The following SMYD3 variants were observed in gnomAD, a reference collection of about 807,000 sequenced individuals.
SMYD3 encodes the protein histone-lysine N-methyltransferase SMYD3.
A neutral mutation model predicts 57.7 loss-of-function variants in SMYD3; 36 were observed. The observed-to-expected ratio is 0.62, with a 90% CI of 0.48 to 0.82. The LOEUF is 0.82. Ranked by LOEUF, SMYD3 falls within the 40% of genes least tolerant of loss-of-function variation. The pLI is 0.00. For synonymous variants in SMYD3, 211 were observed against 195.0 expected (o/e 1.08, Z -0.68); for missense variants, 515 against 538.8 (o/e 0.96, Z 0.44).
intron 5 of SMYD3, among the ~76,000 whole-genome samples, chr1:246,038,019 A>G (rs2059806750): frequency 6.6e-6 from 1 of 152,234 alleles, no homozygotes; most frequent in South Asian, 2.1e-4. Context: ...CAAACAAATG[A>G]GTGTGGCTGT....
intron 11 of SMYD3, among the ~76,000 whole-genome samples, chr1:245,762,409 T>G (rs570855223): frequency 4.7e-4 from 72 of 152,316 alleles, no homozygotes; most frequent in African/African-American, 1.7e-3. Flanking sequence ...CATCGCACAT[T>G]AGGAAATTTC....
intron 5 of SMYD3, among the ~76,000 whole-genome samples, chr1:246,077,685 T>G (rs900982388): frequency 2.0e-5 from 3 of 152,100 alleles, no homozygotes; most frequent in African/African-American, 7.2e-5. Context: ...GGATTTCCTT[T>G]GCAAATTATC....
At chr1:246,349,363 G>A (rs1269507691) in intron 2 of SMYD3, among the ~76,000 whole-genome samples, 1 of 151,774 alleles carries the variant, frequency 6.6e-6, no homozygotes, top group East Asian at 1.9e-4. Flanking sequence ...CCAGCACTTT[G>A]GGAGGCTGAG....
chr1:246,437,298 GGTATGA>G (rs2067395274), intron 1 of SMYD3, among the ~76,000 whole-genome samples: 1 of 152,062 alleles, frequency 6.6e-6, no homozygotes, highest in Admixed American at 6.6e-5. Flanking sequence ...CCTACAGGTG[GGTATGA>G]ACTCCCCTCA....
At chr1:245,788,478 T>C (rs553185474) in intron 10 of SMYD3, among the ~76,000 whole-genome samples, 43 of 152,290 alleles carry the variant, frequency 2.8e-4, no homozygotes, top group African/African-American at 8.4e-4. Context: ...GGGGGATGCT[T>C]TACTTCCAAT....
At chr1:246,234,805 CTT>C (rs1406206329) in intron 5 of SMYD3, among the ~76,000 whole-genome samples, 1 of 152,132 alleles carries the variant, frequency 6.6e-6, no homozygotes, top group African/African-American at 2.4e-5. Context: ...CAAGAAACCT[CTT>C]TGACTACACA....
chr1:246,083,440 C>T (rs1306340060), intron 5 of SMYD3, among the ~76,000 whole-genome samples: 3 of 151,836 alleles, frequency 2.0e-5, no homozygotes, highest in South Asian at 2.1e-4. Flanking sequence ...TATTGTCCTG[C>T]CACATCCCGC....
At chr1:245,822,918 G>T (rs1188468266) in intron 10 of SMYD3, among the ~76,000 whole-genome samples, 3 of 152,182 alleles carry the variant, frequency 2.0e-5, no homozygotes, top group Non-Finnish European at 4.4e-5. Context: ...TTAATAAATA[G>T]AATTTGATCA....
intron 5 of SMYD3, among the ~76,000 whole-genome samples, chr1:246,248,509 G>A (rs1333322428): frequency 6.6e-6 from 1 of 151,946 alleles, no homozygotes; most frequent in East Asian, 1.9e-4. Flanking sequence ...CTCTTCCCAT[G>A]TCAAAGCTGC....
chr1:245,980,567 C>T (rs1479168592), intron 5 of SMYD3, among the ~76,000 whole-genome samples: 1 of 152,240 alleles, frequency 6.6e-6, no homozygotes, highest in African/African-American at 2.4e-5. Flanking sequence ...CTGCTTATCA[C>T]ACACATGACA....
At chr1:246,451,016 G>T (rs1001694655) in intron 1 of SMYD3, among the ~76,000 whole-genome samples, 3 of 152,140 alleles carry the variant, frequency 2.0e-5, no homozygotes, top group Admixed American at 2.0e-4. Context: ...ATCTCCCAAT[G>T]GTGGGTCACA....
chr1:245,830,217 A>C (rs1053029068), intron 10 of SMYD3, among the ~76,000 whole-genome samples: 4 of 152,230 alleles, frequency 2.6e-5, no homozygotes, highest in Admixed American at 2.6e-4. Context: ...TAATAAAGAC[A>C]TACCTGAGAC....
At chr1:245,855,729 A>G (rs2051206381) in intron 10 of SMYD3, among the ~76,000 whole-genome samples, 1 of 152,216 alleles carries the variant, frequency 6.6e-6, no homozygotes, top group Non-Finnish European at 1.5e-5. Flanking sequence ...CTATTGAGTA[A>G]AAATAAATGA....
chr1:246,411,830 TTG>T (rs2066976148), intron 1 of SMYD3, among the ~76,000 whole-genome samples: 1 of 64,528 alleles, frequency 1.5e-5, no homozygotes. Context: ...TGTTGTGGGG[TTG>T]GGGGAGGGGG....
At chr1:246,298,458 A>C (rs945788950) in intron 5 of SMYD3, among the ~76,000 whole-genome samples, 1 of 152,126 alleles carries the variant, frequency 6.6e-6, no homozygotes. Flanking sequence ...GAATATAAAG[A>C]GGCTATCTTG....
intron 5 of SMYD3, among the ~76,000 whole-genome samples, chr1:246,242,833 A>G (rs910593642): frequency 6.6e-6 from 1 of 152,174 alleles, no homozygotes; most frequent in Non-Finnish European, 1.5e-5. Context: ...TTAAAGCAAC[A>G]AAGATCAAAA....
At chr1:245,899,496 T>G (rs561234475) in intron 8 of SMYD3, among the ~76,000 whole-genome samples, 54 of 152,296 alleles carry the variant, frequency 3.5e-4, no homozygotes, top group African/African-American at 1.3e-3. Flanking sequence ...TTACAGAGGA[T>G]GGAACGAATC....
rs376309765 is a variant in SMYD3, at chr1:245,867,668, GCACA to G, written c.814-3786_814-3783del. On this transcript the variant is annotated intron_variant, in intron 8 of 11. Transcript: ENST00000490107. ...CATGCGCGTGCGTGTGCGTGCGCGC[GCACA>G]CACACACACACACACACTCACACAC... Among the ~76,000 whole-genome samples the G allele has an allele frequency of 5.8e-4, 87 of 149,054 alleles. 1 individual carries two copies. Among genetic ancestry groups the G allele is most frequent in the African/African-American group, 2.0e-3 (83 of 40,928 alleles).
intron 2 of SMYD3, among the ~76,000 whole-genome samples, chr1:246,343,510 A>G (rs1443039217): frequency 3.9e-5 from 6 of 152,202 alleles, no homozygotes; most frequent in Admixed American, 1.3e-4. Flanking sequence ...GGACAGTCCC[A>G]TCTGAGAGGG....
Sources: gnomAD v4.1 joint callset for allele counts (sites outside exome capture counted in the v4.1 genomes callset) on GRCh38, gnomAD v4.1.1 for gene constraint, MANE v1.5 for transcripts, NCBI Gene and HGNC (gene_info 2026-07-23, HGNC 2026-07-21) for gene names.